PRKG1: variants seen among roughly 807,000 people sequenced by gnomAD.
PRKG1 encodes the protein protein kinase cGMP-dependent 1, also known as cGMP-dependent protein kinase 1.
PRKG1 carries 35 observed loss-of-function variants against 88.1 expected under a neutral mutation model. The ratio of observed to expected loss-of-function variants is 0.40; its 90% CI spans 0.30 to 0.53. The LOEUF (loss-of-function observed/expected upper bound fraction) is 0.53. Ranked by LOEUF, PRKG1 falls within the 20% of genes least tolerant of loss-of-function variation. The pLI, the probability that PRKG1 is intolerant of heterozygous loss-of-function variation, is 0.59. For synonymous variants in PRKG1, 303 were observed against 292.5 expected, an observed-to-expected ratio of 1.04 and a Z score of -0.37; for missense variants, 540 against 839.8, an observed-to-expected ratio of 0.64 and a Z score of 4.41.
chr10:51,817,498 T>A (rs1839623412), intron 4 of PRKG1, among the ~76,000 whole-genome samples: 1 of 152,144 alleles, frequency 6.6e-6, no homozygotes, highest in South Asian at 2.1e-4. Flanking sequence ...GGTTTCCAGC[T>A]TCATCCATGT....
intron 3 of PRKG1, among the ~76,000 whole-genome samples, chr10:51,607,474 A>C (rs1838796533): frequency 6.6e-6 from 1 of 152,178 alleles, no homozygotes. Flanking sequence ...GAGGAAAAGG[A>C]AAGTTGATGA....
At chr10:52,292,255 T>C (rs1245161531) in intron 17 of PRKG1, among the ~76,000 whole-genome samples, 1 of 151,316 alleles carries the variant, frequency 6.6e-6, no homozygotes, top group Non-Finnish European at 1.5e-5. Flanking sequence ...GTGCAGGAGC[T>C]CTTTAGTTTA....
At chr10:51,152,854 A>G (rs528241802) in intron 1 of PRKG1, among the ~76,000 whole-genome samples, 1 of 152,054 alleles carries the variant, frequency 6.6e-6, no homozygotes, top group South Asian at 2.1e-4. Flanking sequence ...TTGGTTTTCT[A>G]GCAATCTTTG....
chr10:51,204,690 G>A (rs1422320009), intron 2 of PRKG1, among the ~76,000 whole-genome samples: 3 of 152,014 alleles, frequency 2.0e-5, no homozygotes, highest in Non-Finnish European at 2.9e-5. Flanking sequence ...TCAAATGGGG[G>A]CTTTTCACCA....
At position 51,875,853 on chromosome 10, in the gene PRKG1, C is replaced by A. The variant is rs191151875; in HGVS notation, c.699-31654C>A. Among the ~76,000 whole-genome samples the A allele has an allele frequency of 9.2e-5, 14 of 151,984 alleles. 1 individual carries two copies. The highest frequency in any genetic ancestry group is 9.2e-4 in the Admixed American group (14 of 15,250). On this transcript the variant is annotated intron_variant, in intron 4 of 17. Transcript: ENST00000373980. ...CTTCAAGTCGTTGTGGCCAAGCATA[C>A]GTATCCAGTACAAATTTTTGGAATA...
At chr10:51,594,443 C>T (rs191312654) in intron 3 of PRKG1, among the ~76,000 whole-genome samples, 11 of 152,266 alleles carry the variant, frequency 7.2e-5, no homozygotes, top group Admixed American at 7.2e-4. Context: ...GTTGATATTA[C>T]ATCACAATAA....
intron 2 of PRKG1, among the ~76,000 whole-genome samples, chr10:51,168,697 A>T (rs1452117635): frequency 6.6e-6 from 1 of 152,176 alleles, no homozygotes; most frequent in Admixed American, 6.5e-5. Flanking sequence ...AACATATCAG[A>T]TACTGATGTT....
chr10:52,070,511 G>A (rs1485472826), intron 7 of PRKG1, among the ~76,000 whole-genome samples: 1 of 152,058 alleles, frequency 6.6e-6, no homozygotes, highest in East Asian at 1.9e-4. Flanking sequence ...ATCTCCTTTT[G>A]AGAATGCAGT....
chr10:51,968,809 C>A (rs149225084), intron 5 of PRKG1, among the ~76,000 whole-genome samples: 3,440 of 99,344 alleles, frequency 0.035, 122 homozygotes, highest in Middle Eastern at 0.12. Context: ...AGCGACAGAG[C>A]AAAACTCCAT....
chr10:52,021,521 A>G (rs1406544509), intron 5 of PRKG1, among the ~76,000 whole-genome samples: 4 of 152,254 alleles, frequency 2.6e-5, no homozygotes, highest in Non-Finnish European at 5.9e-5. Flanking sequence ...CAACATTACT[A>G]TTAAGTGAAC....
chr10:51,238,960 G>A (rs1441808755), intron 2 of PRKG1, among the ~76,000 whole-genome samples: 6 of 151,076 alleles, frequency 4.0e-5, no homozygotes, highest in African/African-American at 1.5e-4. Flanking sequence ...AAAGTTAAAT[G>A]GTAAAGTCAA....
intron 2 of PRKG1, among the ~76,000 whole-genome samples, chr10:51,210,876 A>T (rs1009984615): frequency 7.9e-5 from 12 of 152,214 alleles, no homozygotes; most frequent in African/African-American, 2.9e-4. Context: ...GCCGAATTCT[A>T]CCAGAGGTAC....
At chr10:51,544,685 G>A (rs187351073) in intron 3 of PRKG1, among the ~76,000 whole-genome samples, 1 of 152,110 alleles carries the variant, frequency 6.6e-6, no homozygotes, top group African/African-American at 2.4e-5. Context: ...GTGTAAAAGT[G>A]TTCCTATTTC....
intron 2 of PRKG1, among the ~76,000 whole-genome samples, chr10:51,346,983 G>A (rs917923757): frequency 6.6e-6 from 1 of 152,150 alleles, no homozygotes; most frequent in Admixed American, 6.5e-5. Flanking sequence ...ACAATCAGTA[G>A]CTTGATGATG....
At chr10:51,737,353 G>A (rs758388931) in intron 3 of PRKG1, among the ~76,000 whole-genome samples, 3 of 152,118 alleles carry the variant, frequency 2.0e-5, no homozygotes, top group Non-Finnish European at 4.4e-5. Context: ...GCTTCTTCTT[G>A]TTCTTTCAAC....
chr10:51,665,441 T>C (rs1840399860), intron 3 of PRKG1, among the ~76,000 whole-genome samples: 1 of 152,150 alleles, frequency 6.6e-6, no homozygotes, highest in Non-Finnish European at 1.5e-5. Context: ...TGCCTAGTTA[T>C]CTGAATCTTG....
chr10:51,664,702 G>A (rs920939850), intron 3 of PRKG1, among the ~76,000 whole-genome samples: 3 of 151,832 alleles, frequency 2.0e-5, no homozygotes, highest in African/African-American at 7.3e-5. Flanking sequence ...TCTTTGTTAA[G>A]AAAAATAAGA....
intron 3 of PRKG1, among the ~76,000 whole-genome samples, chr10:51,546,239 A>T (rs1346802251): frequency 6.6e-6 from 1 of 152,084 alleles, no homozygotes; most frequent in East Asian, 1.9e-4. Context: ...AAACATTGTT[A>T]TATGTGTGTA....
At chr10:51,919,019 A>G (rs1842404793) in intron 5 of PRKG1, among the ~76,000 whole-genome samples, 1 of 152,174 alleles carries the variant, frequency 6.6e-6, no homozygotes, top group African/African-American at 2.4e-5. Context: ...TTAGCCACAG[A>G]ATACAAAGCT....
Sources: gnomAD v4.1 joint callset for allele counts (sites outside exome capture counted in the v4.1 genomes callset) on GRCh38, gnomAD v4.1.1 for gene constraint, MANE v1.5 for transcripts, NCBI Gene and HGNC (gene_info 2026-07-23, HGNC 2026-07-21) for gene names.